CADPS: variants seen among roughly 807,000 people sequenced by gnomAD.
CADPS encodes calcium-dependent secretion activator 1.
In CADPS, 57 loss-of-function variants were observed where a neutral mutation model predicts 167.3. That is an observed-to-expected ratio of 0.34 (90% CI 0.28 to 0.42). CADPS has a LOEUF of 0.42. Ranked by LOEUF, CADPS falls within the 20% of genes least tolerant of loss-of-function variation. The pLI is 1.00. For synonymous variants in CADPS, 676 were observed against 635.3 expected (o/e 1.06, Z -0.96); for missense variants, 1,414 against 1,738.1 (o/e 0.81, Z 3.32).
In CADPS at chr3:62,493,655, T is replaced by A. The variant is rs2064133311; in HGVS notation, c.2717A>T (p.Asp906Val). The change falls in exon 19 of 30, where the codon GAT (aspartate) becomes GTT (valine). Residue 906 changes from aspartate to valine, a missense_variant. Around this residue, in one of 6 missense-constraint regions of CADPS, gnomAD observed 529 missense variants for 629.6 expected, o/e 0.84. Transcript: ENST00000383710. ...TTTCACTTTACTTACTTCTCCTTTA[T>A]CAACATGTGGCTGGTTTGCAAATTA... ...NEEHHAEPHV[D>V]KGEAFAWWSD... 6.4e-7 allele frequency: 1 copy of A among 1,555,926 alleles called. No individual in the cohort carries two copies. The highest frequency in any genetic ancestry group is 1.4e-5 in the African/African-American group (1 of 73,610).
At chr3:62,409,270 T>C (rs2048488627) in intron 28 of CADPS, among the ~76,000 whole-genome samples, 1 of 152,232 alleles carries the variant, frequency 6.6e-6, no homozygotes, top group African/African-American at 2.4e-5. Context: ...TTTATAGAAG[T>C]AATGGATTGG....
intron 1 of CADPS, among the ~76,000 whole-genome samples, chr3:62,772,227 G>A (rs1370558839): frequency 1.3e-5 from 2 of 151,738 alleles, no homozygotes; most frequent in African/African-American, 4.8e-5. Context: ...TATTTACTCA[G>A]CCTTTTGAAG....
chr3:62,559,139 A>C (rs1003087819), intron 9 of CADPS, among the ~76,000 whole-genome samples: 6 of 152,210 alleles, frequency 3.9e-5, no homozygotes, highest in Non-Finnish European at 8.8e-5. Flanking sequence ...GCATTTATAC[A>C]GGCCCCTTCC....
At chr3:62,806,121 T>C (rs1484984989) in intron 1 of CADPS, among the ~76,000 whole-genome samples, 1 of 152,276 alleles carries the variant, frequency 6.6e-6, no homozygotes, top group East Asian at 1.9e-4. Context: ...TGTTCTGCTA[T>C]GACTGATACA....
At chr3:62,565,344 G>A (rs1470094727) in intron 9 of CADPS, among the ~76,000 whole-genome samples, 2 of 152,136 alleles carry the variant, frequency 1.3e-5, no homozygotes, top group African/African-American at 2.4e-5. Flanking sequence ...CTACTCTGAT[G>A]CTCGGTTCCA....
chr3:62,490,836 C>T (rs1297917509), intron 21 of CADPS, among the ~76,000 whole-genome samples: 1 of 152,156 alleles, frequency 6.6e-6, no homozygotes, highest in African/African-American at 2.4e-5. Context: ...CAGCTACACT[C>T]GTTCATTTAC....
intron 1 of CADPS, among the ~76,000 whole-genome samples, chr3:62,802,792 T>C (rs1182288015): frequency 6.6e-6 from 1 of 152,184 alleles, no homozygotes; most frequent in Non-Finnish European, 1.5e-5. Context: ...TGGTGTACAA[T>C]CTTTCCCAAG....
At chr3:62,592,060 G>C (rs1228110279) in intron 7 of CADPS, among the ~76,000 whole-genome samples, 1 of 152,072 alleles carries the variant, frequency 6.6e-6, no homozygotes, top group African/African-American at 2.4e-5. Flanking sequence ...TGCTTAATAT[G>C]TCAGTAAATC....
At chr3:62,568,793 T>C (rs1393606842) in intron 9 of CADPS, among the ~76,000 whole-genome samples, 1 of 152,234 alleles carries the variant, frequency 6.6e-6, no homozygotes, top group Admixed American at 6.5e-5. Flanking sequence ...TTTCTGGAAC[T>C]ATGCTGGCCC....
At chr3:62,495,867 G>A (rs1576821665) in intron 18 of CADPS, among the ~76,000 whole-genome samples, 1 of 152,148 alleles carries the variant, frequency 6.6e-6, no homozygotes, top group East Asian at 1.9e-4. Context: ...TGCATATGAT[G>A]TACTCTTAGC....
Position 62,399,506 on chromosome 3 carries a change from C to T in CADPS, c.3962G>A (p.Arg1321His). 17 of 1,614,136 alleles carry T rather than the reference C, an allele frequency of 1.1e-5. No individual in the cohort carries two copies. Among genetic ancestry groups the T allele is most frequent in the Non-Finnish European group, 1.4e-5 (16 of 1,179,988 alleles). The change falls in exon 30 of 30, where the codon CGT becomes CAT. Residue 1321 changes from arginine to histidine, a missense_variant. Physicochemically the swap from Arg to His is conservative, Grantham distance 29. Coordinates refer to ENST00000383710, the MANE Select transcript of CADPS (RefSeq NM_003716.4). The surrounding 1 kb of genome is among the most constrained non-coding windows in gnomAD (Gnocchi z 5.6). ...TGCTGTGGCTTCCTCCACAGTGAGA[C>T]GGTTCCGGATCGTTTCATAGGTCTT... ...NSKTYETIRNRLTVEEATASV... is the reference protein window; with the variant it reads ...NSKTYETIRNHLTVEEATASV...
chr3:62,445,865 G>T, intron 26 of CADPS, 68 bp from the exon 27 acceptor site: 2 of 1,102,148 alleles, frequency 1.8e-6, no homozygotes, highest in Non-Finnish European at 2.5e-6. Flanking sequence ...GCTCAATGCT[G>T]TATCCCCATC....
At chr3:62,496,783 G>T (rs1219322860) in intron 18 of CADPS, among the ~76,000 whole-genome samples, 1 of 152,194 alleles carries the variant, frequency 6.6e-6, no homozygotes, top group Non-Finnish European at 1.5e-5. Context: ...AGGACAGGCT[G>T]TCCTATGCCT....
At position 62,542,748 on chromosome 3, in the gene CADPS, C is replaced by T. The variant is rs1258538263; in HGVS notation, c.1967-6167G>A. On this transcript the variant is annotated intron_variant, in intron 11 of 29. Transcript: ENST00000383710. ...TGAATTTAAAACTACTATGGCAATA[C>T]CCCCAAAAGGATAAGTGTGTGATGT... Among the ~76,000 whole-genome samples the T allele has an allele frequency of 2.6e-5, 4 of 152,126 alleles. No homozygotes were observed. In the South Asian group the frequency reaches 8.3e-4, roughly 32 times the overall value.
At chr3:62,445,711 T>TG in intron 27 of CADPS, 54 bp downstream of exon 27, 1 of 853,070 alleles carries the variant, frequency 1.2e-6, no homozygotes. Context: ...AAAGTAAAAA[T>TG]GAAAAAAAAA....
intron 21 of CADPS, 41 bp from the exon 22 acceptor site, chr3:62,481,910 T>C: frequency 1.3e-6 from 2 of 1,587,804 alleles, no homozygotes; most frequent in Non-Finnish European, 1.7e-6. Context: ...ACCATCACAG[T>C]GACAATGCAG....
chr3:62,798,871 GT>G (rs1172629048), intron 1 of CADPS, among the ~76,000 whole-genome samples: 1 of 152,134 alleles, frequency 6.6e-6, no homozygotes, highest in African/African-American at 2.4e-5. Flanking sequence ...AAATTGTTGA[GT>G]AAAGAATGAA....
At chr3:62,640,527 T>C (rs1455522313) in intron 6 of CADPS, among the ~76,000 whole-genome samples, 1 of 152,210 alleles carries the variant, frequency 6.6e-6, no homozygotes, top group Non-Finnish European at 1.5e-5. Context: ...GAGATGTCAT[T>C]GAAGAACCCT....
At chr3:62,436,085 T>C (rs901070676) in intron 28 of CADPS, among the ~76,000 whole-genome samples, 33 of 152,206 alleles carry the variant, frequency 2.2e-4, no homozygotes, top group African/African-American at 7.9e-4. Flanking sequence ...CCTTTTTAAA[T>C]GAAGATTTGG....
Sources: allele counts gnomAD v4.1 joint callset (sites outside exome capture counted in the v4.1 genomes callset), GRCh38; gene constraint gnomAD v4.1.1; regional missense constraint gnomAD v4.1.1; non-coding constraint Gnocchi (gnomAD v3.1); transcripts MANE v1.5; gene names NCBI Gene and HGNC (gene_info 2026-07-23, HGNC 2026-07-21).